Variants in RAB3GAP2 observed in about 807,000 individuals in gnomAD.
RAB3GAP2 encodes rab3 GTPase-activating protein non-catalytic subunit.
In RAB3GAP2, 87 loss-of-function variants were observed where a neutral mutation model predicts 185.3. The observed-to-expected ratio is 0.47, with a 90% CI of 0.39 to 0.56. RAB3GAP2 has a LOEUF of 0.56. Ranked by LOEUF, RAB3GAP2 falls within the 20% of genes least tolerant of loss-of-function variation. The probability of loss-of-function intolerance (pLI) is 0.00; values close to 1 mark genes in which losing one functional copy is unlikely to be tolerated. For synonymous variants in RAB3GAP2, 554 were observed against 576.1 expected, an observed-to-expected ratio of 0.96 and a Z score of 0.55; for missense variants, 1,492 against 1,638.2, an observed-to-expected ratio of 0.91 and a Z score of 1.54.
At chr1:220,239,599 G>A (rs1659654690) in intron 1 of RAB3GAP2, among the ~76,000 whole-genome samples, 1 of 151,958 alleles carries the variant, frequency 6.6e-6, no homozygotes, top group Non-Finnish European at 1.5e-5. Flanking sequence ...ATTTTAATTA[G>A]TGAGAAAAAA....
At chr1:220,239,272 C>G (rs1436910003) in intron 1 of RAB3GAP2, among the ~76,000 whole-genome samples, 1 of 152,008 alleles carries the variant, frequency 6.6e-6, no homozygotes, top group East Asian at 1.9e-4. Context: ...GCTCTATTGC[C>G]CAGGGTGGAC....
intron 30 of RAB3GAP2, 122 bp from the exon 31 acceptor site, chr1:220,157,610 T>TA (rs1571874117): frequency 2.7e-6 from 3 of 1,098,746 alleles, no homozygotes; most frequent in East Asian, 5.1e-5. Flanking sequence ...CAAATTGTAA[T>TA]AAAAAAACAC....
intron 2 of RAB3GAP2, among the ~76,000 whole-genome samples, chr1:220,230,788 T>A (rs751875876): frequency 9.2e-5 from 14 of 152,208 alleles, no homozygotes; most frequent in Non-Finnish European, 1.6e-4. Flanking sequence ...CTTTTGAGAA[T>A]ATCAACCTTT....
rs1164561329 is a variant in RAB3GAP2 at position 220,158,562 on chromosome 1, T to C, written c.3262-686A>G. Among the ~76,000 whole-genome samples, 3 of 151,990 alleles carry C rather than the reference T, an allele frequency of 2.0e-5. No individual in the cohort carries two copies. ...TTCAAGCGATTATCCTGCCTCAGCC[T>C]CCTGAGTAGCTGGGATTACAGGCGC... On this transcript the variant is annotated intron_variant, in intron 29 of 34. Coordinates refer to ENST00000358951, the MANE Select transcript of RAB3GAP2 (RefSeq NM_012414.4). This position sits in a 1 kb window ranked among gnomAD's most constrained non-coding sequence, Gnocchi z 4.3.
At position 220,253,772 on chromosome 1, in the gene RAB3GAP2, C is replaced by A; in HGVS notation, c.115+18451G>T. On this transcript the variant is annotated intron_variant, in intron 1 of 34. Transcript: ENST00000358951. ...AGCAGAGTACTCAAATACGTGGACA[C>A]CAATTTGCAGAAACAGCGAGAACTT... The A allele has an allele frequency of 3.1e-6, 5 of 1,611,678 alleles. No individual in the cohort carries two copies. In the South Asian group the frequency reaches 5.5e-5, roughly 18 times the overall value.
At chr1:220,236,414 G>A (rs1200945786) in intron 1 of RAB3GAP2, among the ~76,000 whole-genome samples, 1 of 152,122 alleles carries the variant, frequency 6.6e-6, no homozygotes, top group East Asian at 1.9e-4. Flanking sequence ...CTGAACTCGT[G>A]ATCCGCCCAC....
chr1:220,156,917 T>C (rs111800618), intron 31 of RAB3GAP2, among the ~76,000 whole-genome samples: 280 of 152,256 alleles, frequency 1.8e-3, no homozygotes, highest in African/African-American at 6.4e-3. Flanking sequence ...ATTTTAGATA[T>C]GAGGTGTCTG....
In RAB3GAP2 at chr1:220,212,987, C is replaced by A; in HGVS notation, c.305-19G>T. The stretch of plus-strand genomic sequence containing the variant: ...CATTTTGCTGTAAGAATTAAGATAT[C>A]ATATAAAATAATTTTAGCTATAATA... On this transcript the variant is annotated intron_variant, in intron 3 of 34. Coordinates refer to ENST00000358951, the MANE Select transcript of RAB3GAP2 (RefSeq NM_012414.4). The A allele has an allele frequency of 6.4e-7, 1 of 1,561,758 alleles. No homozygotes were observed. Among genetic ancestry groups the A allele is most frequent in the Non-Finnish European group, 8.8e-7 (1 of 1,139,250 alleles).
At chr1:220,167,748 T>A in intron 24 of RAB3GAP2, 73 bp from the exon 25 acceptor site, 1 of 1,463,564 alleles carries the variant, frequency 6.8e-7, no homozygotes, top group Non-Finnish European at 9.5e-7. Flanking sequence ...GGGAGCCAAT[T>A]TCCTTACGAA....
rs1319133875 is a variant in RAB3GAP2, at chr1:220,170,945, T to A, written c.2753A>T (p.Gln918Leu). ...AGAAAGCCTTGGAAGTGGCTCAGCCTGCAGTGATGACACTTTGGAGGTCTG... is the reference window on the plus strand; with the variant it reads ...AGAAAGCCTTGGAAGTGGCTCAGCCAGCAGTGATGACACTTTGGAGGTCTG... ...NTQTSKVSSLQAEPLPRLSVK... is the reference protein window; with the variant it reads ...NTQTSKVSSLLAEPLPRLSVK... The change falls in exon 24 of 35, where the codon CAG becomes CTG. Residue 918 changes from glutamine to leucine, a missense_variant. This residue lies in a region of RAB3GAP2 where 681 missense variants were observed against 689.1 expected (regional missense o/e 0.99). Coordinates refer to ENST00000358951, the MANE Select transcript of RAB3GAP2 (RefSeq NM_012414.4). 5 of 1,614,092 alleles carry A rather than the reference T, an allele frequency of 3.1e-6. No individual in the cohort carries two copies. In the African/African-American group the frequency reaches 4.0e-5, roughly 13 times the overall value.
At chr1:220,222,094 C>A (rs1659316620) in intron 2 of RAB3GAP2, among the ~76,000 whole-genome samples, 1 of 152,142 alleles carries the variant, frequency 6.6e-6, no homozygotes, top group South Asian at 2.1e-4. Flanking sequence ...CAGCTTTCTG[C>A]CTAAGCCATA....
chr1:220,256,717 T>C (rs901654339), intron 1 of RAB3GAP2, among the ~76,000 whole-genome samples: 1 of 152,192 alleles, frequency 6.6e-6, no homozygotes, highest in African/African-American at 2.4e-5. Context: ...CTTAAATATA[T>C]ATGCACCCAA....
intron 21 of RAB3GAP2, among the ~76,000 whole-genome samples, chr1:220,180,302 G>A (rs1658377346): frequency 6.6e-6 from 1 of 151,768 alleles, no homozygotes; most frequent in East Asian, 1.9e-4. Flanking sequence ...TAAAGATCAA[G>A]CAGAAATAAA....
chr1:220,189,608 C>T, intron 17 of RAB3GAP2, 95 bp downstream of exon 17: 1 of 1,221,802 alleles, frequency 8.2e-7, no homozygotes, highest in Non-Finnish European at 1.1e-6. Flanking sequence ...AGACTTCAGC[C>T]TCTCATGTTT....
At chr1:220,225,908 T>C (rs1248919859) in intron 2 of RAB3GAP2, among the ~76,000 whole-genome samples, 1 of 152,224 alleles carries the variant, frequency 6.6e-6, no homozygotes, top group East Asian at 1.9e-4. Context: ...AGATTATTAA[T>C]GTTCTAGGAA....
Position 220,172,739 on chromosome 1 carries a change from G to A in RAB3GAP2, c.2314C>T (p.Leu772=), listed in dbSNP as rs745556281. 19 of 1,601,744 alleles carry A rather than the reference G, an allele frequency of 1.2e-5. No homozygotes were observed. Among genetic ancestry groups the A allele is most frequent in the Non-Finnish European group, 1.5e-5 (18 of 1,168,800 alleles). Residue 772 remains leucine, a synonymous_variant, in exon 22 of 35, where the codon CTG becomes TTG. Coordinates refer to ENST00000358951, the MANE Select transcript of RAB3GAP2 (RefSeq NM_012414.4). ...AGLSPQLLLS[L]LLSVWLSKEK... is the part of the protein sequence containing the mutation. ...TTTGAAAGCCAAACACTCAGGAGCA[G>A]AGACTGAAATCAAATTTAAATCTTT... is the stretch of plus-strand genomic sequence containing the variant.
At chr1:220,235,867 A>T (rs1659581282) in intron 1 of RAB3GAP2, among the ~76,000 whole-genome samples, 1 of 152,182 alleles carries the variant, frequency 6.6e-6, no homozygotes, top group Non-Finnish European at 1.5e-5. Flanking sequence ...TTTATACAAG[A>T]TATTTAGGTT....
At chr1:220,210,251 T>C (rs1659053754) in intron 7 of RAB3GAP2, 137 bp downstream of exon 7, 1 of 762,048 alleles carries the variant, frequency 1.3e-6, no homozygotes, top group Non-Finnish European at 2.4e-6. Flanking sequence ...TAGATTATAT[T>C]TCTAGACTAT....
At chr1:220,222,425 G>A (rs143115876) in intron 2 of RAB3GAP2, among the ~76,000 whole-genome samples, 3 of 152,076 alleles carry the variant, frequency 2.0e-5, no homozygotes, top group African/African-American at 7.2e-5. Context: ...ACTAGTCTAG[G>A]CCACATTTCA....
Sources: allele counts gnomAD v4.1 joint callset (sites outside exome capture counted in the v4.1 genomes callset), GRCh38; gene constraint gnomAD v4.1.1; regional missense constraint gnomAD v4.1.1; non-coding constraint Gnocchi (gnomAD v3.1); transcripts MANE v1.5; gene names NCBI Gene and HGNC (gene_info 2026-07-23, HGNC 2026-07-21).